Variants in NRXN1 observed in about 807,000 individuals in gnomAD.
NRXN1 encodes the protein neurexin-1.
Under a neutral mutation model 150.9 loss-of-function variants are expected in NRXN1, and 39 were observed. The observed-to-expected ratio is 0.26, with a 90% CI of 0.20 to 0.34. NRXN1 has a LOEUF of 0.34. Among genes scored for constraint, NRXN1 ranks in the 10% least tolerant of loss-of-function variants. The pLI, the probability that NRXN1 is intolerant of heterozygous loss-of-function variation, is 1.00. For missense variants in NRXN1, 1,815 were observed against 1,949.9 expected, an observed-to-expected ratio of 0.93 and a Z score of 1.30; for synonymous variants, 924 against 757.0, an observed-to-expected ratio of 1.22 and a Z score of -3.62.
intron 17 of NRXN1, among the ~76,000 whole-genome samples, chr2:50,256,400 T>C (rs2067705746): frequency 6.6e-6 from 1 of 152,166 alleles, no homozygotes; most frequent in East Asian, 1.9e-4. Flanking sequence ...GAATTTTATA[T>C]ATCAGACATT....
intron 2 of NRXN1, among the ~76,000 whole-genome samples, chr2:51,009,041 T>C (rs57370224): frequency 0.048 from 7,296 of 151,978 alleles, 423 homozygotes; most frequent in East Asian, 0.19. Context: ...CTACTAAATA[T>C]CTTTAGTTTC....
At chr2:50,871,003 C>T (rs1338503632) in intron 5 of NRXN1, among the ~76,000 whole-genome samples, 1 of 151,756 alleles carries the variant, frequency 6.6e-6, no homozygotes, top group Non-Finnish European at 1.5e-5. Context: ...AACATATGTG[C>T]ATTGTAAAAG....
At chr2:50,952,580 C>G (rs759625118) in intron 2 of NRXN1, among the ~76,000 whole-genome samples, 1 of 152,228 alleles carries the variant, frequency 6.6e-6, no homozygotes, top group South Asian at 2.1e-4. Context: ...ATGATCTATG[C>G]TACCACGGAG....
chr2:50,968,145 A>G (rs1005957225), intron 2 of NRXN1, among the ~76,000 whole-genome samples: 8 of 152,038 alleles, frequency 5.3e-5, no homozygotes, highest in African/African-American at 1.9e-4. Flanking sequence ...ACTTTTCAGA[A>G]AGTTTGGTCC....
At chr2:50,562,181 C>T (rs565340238) in intron 8 of NRXN1, among the ~76,000 whole-genome samples, 4 of 152,078 alleles carry the variant, frequency 2.6e-5, no homozygotes, top group Non-Finnish European at 5.9e-5. Flanking sequence ...TTTGTGTCTC[C>T]AGCCTCATAA....
intron 17 of NRXN1, among the ~76,000 whole-genome samples, chr2:50,430,811 C>A (rs1271007601): frequency 1.3e-5 from 2 of 152,022 alleles, no homozygotes; most frequent in Non-Finnish European, 2.9e-5. Flanking sequence ...TCCTTACTAC[C>A]ATTTGGACAC....
Position 51,028,480 on chromosome 2 carries a change from A to G in NRXN1, c.-207T>C, listed in dbSNP as rs201853773. Reference sequence around the variant, plus strand: ...CCTCTCTCCCTGTAGTCCTCTTCCAACTGGAAAACGTTGACCCCAGTGGTA... The same window carrying G: ...CCTCTCTCCCTGTAGTCCTCTTCCAGCTGGAAAACGTTGACCCCAGTGGTA... On this transcript the variant is annotated 5_prime_UTR_variant, in exon 2 of 23. Transcript: ENST00000401669. 1.1e-4 allele frequency: 49 copies of G among 426,402 alleles called. No individual in the cohort carries two copies. Among genetic ancestry groups the G allele is most frequent in the African/African-American group, 7.6e-4 (37 of 48,818 alleles). The allele number at this position is 426,402 out of a possible 1,614,324, so 26.4% of individuals were successfully genotyped here. A position where few individuals can be genotyped will look rare whatever the true frequency, so the allele number is the denominator to read the frequency against.
rs1391655548 is a variant in NRXN1, at chr2:50,091,417, A to G, written c.3624T>C (p.Asn1208=). ...IAIEESNAII[N]DGKYHVVRFT... ...AACGAACTACATGGTATTTCCCATC[A>G]TTAATGATTGCATTGGATTCTTCAA... The change falls in exon 19 of 23, where the codon AAT becomes AAC. Residue 1208 remains asparagine, a synonymous_variant. Coordinates refer to ENST00000401669, the MANE Select transcript of NRXN1 (RefSeq NM_001330078.2). 1 of 1,614,246 alleles carries G rather than the reference A, an allele frequency of 6.2e-7. No individual in the cohort carries two copies. The highest frequency in any genetic ancestry group is 8.5e-7 in the Non-Finnish European group (1 of 1,180,042).
chr2:50,917,659 T>C (rs1231526002), intron 5 of NRXN1: 1 of 151,592 alleles, frequency 6.6e-6, no homozygotes. Flanking sequence ...CTTTCTCCCT[T>C]TCAAGTGAGG....
chr2:50,695,281 G>A (rs1204190191), intron 5 of NRXN1, among the ~76,000 whole-genome samples: 1 of 152,124 alleles, frequency 6.6e-6, no homozygotes, highest in African/African-American at 2.4e-5. Context: ...ACAAATGTGA[G>A]GATTAGATTG....
At chr2:50,265,228 C>A (rs1168738906) in intron 17 of NRXN1, among the ~76,000 whole-genome samples, 1 of 152,002 alleles carries the variant, frequency 6.6e-6, no homozygotes, top group East Asian at 1.9e-4. Context: ...GTAAAAAAGT[C>A]TTGGGCAAGG....
chr2:50,191,214 T>G (rs1295127053), intron 18 of NRXN1, among the ~76,000 whole-genome samples: 2 of 151,042 alleles, frequency 1.3e-5, no homozygotes, highest in Non-Finnish European at 3.0e-5. Flanking sequence ...TGTTTTTTTT[T>G]TTTTTAGTAG....
intron 18 of NRXN1, among the ~76,000 whole-genome samples, chr2:50,138,194 C>T (rs1706701989): frequency 6.6e-6 from 1 of 152,136 alleles, no homozygotes; most frequent in Non-Finnish European, 1.5e-5. Context: ...TTCTCAGAGT[C>T]TCATACTTAA....
At chr2:50,837,760 C>A (rs1273358696) in intron 5 of NRXN1, among the ~76,000 whole-genome samples, 1 of 152,008 alleles carries the variant, frequency 6.6e-6, no homozygotes, top group Non-Finnish European at 1.5e-5. Flanking sequence ...AAAATGTTAA[C>A]AGATTTAAGT....
At chr2:50,520,809 T>A (rs1047137545) in intron 12 of NRXN1, among the ~76,000 whole-genome samples, 14 of 152,074 alleles carry the variant, frequency 9.2e-5, no homozygotes, top group Admixed American at 7.9e-4. Context: ...TTTATCTGCC[T>A]ATTTCAACAC....
At chr2:50,620,827 T>C (rs1415511473) in intron 7 of NRXN1, 1 of 204,416 alleles carries the variant, frequency 4.9e-6, no homozygotes, top group Non-Finnish European at 9.7e-6. Context: ...AACTGCTTTG[T>C]GATGACGTAA....
intron 18 of NRXN1, among the ~76,000 whole-genome samples, chr2:50,185,850 A>G (rs2061035145): frequency 6.6e-6 from 1 of 152,082 alleles, no homozygotes; most frequent in Non-Finnish European, 1.5e-5. Context: ...TGTGAGCAAA[A>G]TGGTCACTCT....
intron 17 of NRXN1, among the ~76,000 whole-genome samples, chr2:50,366,833 T>G (rs377039867): frequency 2.0e-5 from 3 of 152,114 alleles, no homozygotes; most frequent in East Asian, 1.9e-4. Flanking sequence ...CTTAAATGTT[T>G]GAGGTCTCCC....
intron 17 of NRXN1, among the ~76,000 whole-genome samples, chr2:50,442,350 AAAG>A (rs1446079087): frequency 6.6e-6 from 1 of 152,236 alleles, no homozygotes; most frequent in South Asian, 2.1e-4. Flanking sequence ...ACTTGAAATA[AAAG>A]AAGAATTAGA....
Sources: allele counts gnomAD v4.1 joint callset (sites outside exome capture counted in the v4.1 genomes callset), GRCh38; gene constraint gnomAD v4.1.1; transcripts MANE v1.5; gene names NCBI Gene and HGNC (gene_info 2026-07-23, HGNC 2026-07-21).